KCNB2: variants seen among roughly 807,000 people sequenced by gnomAD.
KCNB2 encodes delayed rectifier potassium channel protein.
KCNB2 carries 15 observed loss-of-function variants against 61.5 expected under a neutral mutation model. The observed-to-expected ratio is 0.24, with a 90% CI of 0.16 to 0.38. The LOEUF is 0.38. Among genes scored for constraint, KCNB2 ranks in the 10% least tolerant of loss-of-function variants. The probability of loss-of-function intolerance (pLI) is 1.00; values close to 1 mark genes in which losing one functional copy is unlikely to be tolerated. For missense variants in KCNB2, 828 were observed against 1,125.2 expected (o/e 0.74, Z 3.78); for synonymous variants, 457 against 446.0 (o/e 1.02, Z -0.31).
intron 2 of KCNB2, among the ~76,000 whole-genome samples, chr8:72,612,913 G>A (rs747674859): frequency 3.3e-5 from 5 of 152,010 alleles, no homozygotes; most frequent in Non-Finnish European, 7.4e-5. Context: ...AACATTTTTG[G>A]AAAATTAAAT....
At chr8:72,581,766 T>C (rs1806901745) in intron 2 of KCNB2, among the ~76,000 whole-genome samples, 1 of 152,212 alleles carries the variant, frequency 6.6e-6, no homozygotes. Flanking sequence ...TGTAGGCTGC[T>C]CTGTATGCTA....
At chr8:72,726,093 G>A (rs1807645284) in intron 2 of KCNB2, among the ~76,000 whole-genome samples, 1 of 152,168 alleles carries the variant, frequency 6.6e-6, no homozygotes, top group Admixed American at 6.6e-5. Flanking sequence ...CCAATGTGTT[G>A]GTAGTTGGAG....
chr8:72,717,913 ATCT>A (rs1807473898), intron 2 of KCNB2, among the ~76,000 whole-genome samples: 1 of 152,220 alleles, frequency 6.6e-6, no homozygotes, highest in Non-Finnish European at 1.5e-5. Flanking sequence ...CAACCTCCTC[ATCT>A]GACAAAGGGC....
chr8:72,903,686 T>C (rs981709404), intron 2 of KCNB2, among the ~76,000 whole-genome samples: 3 of 152,200 alleles, frequency 2.0e-5, no homozygotes, highest in African/African-American at 7.2e-5. Context: ...AATATTCCAA[T>C]AACTCTAAAT....
intron 2 of KCNB2, among the ~76,000 whole-genome samples, chr8:72,685,227 T>C (rs545033186): frequency 6.6e-6 from 1 of 152,282 alleles, no homozygotes; most frequent in African/African-American, 2.4e-5. Context: ...AGGAATGACT[T>C]GGCATTGGGG....
At chr8:72,824,531 G>T (rs1107217) in intron 2 of KCNB2, among the ~76,000 whole-genome samples, 67,511 of 151,790 alleles carry the variant, frequency 0.44, 15,673 homozygotes, top group Middle Eastern at 0.63. Context: ...CTCTTGGGTG[G>T]TATCTAAGGA....
intron 1 of KCNB2, among the ~76,000 whole-genome samples, chr8:72,541,689 A>ATT (rs958577746): frequency 1.3e-5 from 2 of 152,160 alleles, no homozygotes; most frequent in African/African-American, 4.8e-5. Flanking sequence ...TTGAAATAAG[A>ATT]AGGTAGTTTA....
intron 2 of KCNB2, among the ~76,000 whole-genome samples, chr8:72,776,799 G>C (rs1057449565): frequency 1.3e-5 from 2 of 152,100 alleles, no homozygotes; most frequent in Admixed American, 6.5e-5. Flanking sequence ...GACCATCTCC[G>C]GAGCAAAGGT....
chr8:72,620,272 C>G (rs1805695258), intron 2 of KCNB2, among the ~76,000 whole-genome samples: 2 of 152,208 alleles, frequency 1.3e-5, no homozygotes, highest in African/African-American at 4.8e-5. Flanking sequence ...TTTAGATGTT[C>G]TGCCAGAGAG....
At chr8:72,647,480 C>T (rs1281826537) in intron 2 of KCNB2, among the ~76,000 whole-genome samples, 2 of 152,056 alleles carry the variant, frequency 1.3e-5, no homozygotes, top group Non-Finnish European at 1.5e-5. Context: ...ATTCTTTGGA[C>T]ACCTACTCAG....
chr8:72,919,107 T>C (rs1225360729), intron 2 of KCNB2, among the ~76,000 whole-genome samples: 2 of 152,244 alleles, frequency 1.3e-5, no homozygotes, highest in African/African-American at 4.8e-5. Context: ...AAAGGAGATA[T>C]ACATCTGTTT....
intron 2 of KCNB2, among the ~76,000 whole-genome samples, chr8:72,812,946 A>G (rs752896963): frequency 2.6e-5 from 4 of 152,160 alleles, no homozygotes; most frequent in Non-Finnish European, 5.9e-5. Context: ...TTAGAGAAGA[A>G]TAAATTGTGG....
chr8:72,797,520 A>G lies in KCNB2; in HGVS notation c.580-138415A>G, dbSNP rs370965240. 1.2e-4 allele frequency among the ~76,000 whole-genome samples: 19 copies of G among 152,322 alleles called. No individual in the cohort carries two copies. The East Asian group carries it at 3.5e-3, about 28-fold the overall frequency. ...GCTTTTACCTCCTGTCAGTTTGATC[A>G]GTTTATTTTTCCACTTATATTTTTA... is the stretch of plus-strand genomic sequence containing the variant. On this transcript the variant is annotated intron_variant, in intron 2 of 2. Transcript: ENST00000523207.
intron 1 of KCNB2, among the ~76,000 whole-genome samples, chr8:72,559,563 A>G (rs1352648789): frequency 2.0e-5 from 3 of 152,182 alleles, no homozygotes; most frequent in Non-Finnish European, 2.9e-5. Flanking sequence ...GATCCAGGGC[A>G]GAAGGAGGTT....
intron 2 of KCNB2, among the ~76,000 whole-genome samples, chr8:72,793,964 G>C (rs1406963673): frequency 2.0e-5 from 3 of 152,156 alleles, no homozygotes; most frequent in African/African-American, 7.2e-5. Flanking sequence ...GCCTTTGAAG[G>C]CCAGGGTAAG....
intron 2 of KCNB2, among the ~76,000 whole-genome samples, chr8:72,592,304 T>G (rs1181976139): frequency 6.6e-6 from 1 of 152,216 alleles, no homozygotes; most frequent in Non-Finnish European, 1.5e-5. Context: ...GCATTAATAC[T>G]AAATTTAAGA....
chr8:72,811,114 A>G (rs1188796945), intron 2 of KCNB2, among the ~76,000 whole-genome samples: 1 of 151,884 alleles, frequency 6.6e-6, no homozygotes, highest in Non-Finnish European at 1.5e-5. Context: ...GTTACCTGGA[A>G]CAAGTCACAC....
intron 2 of KCNB2, among the ~76,000 whole-genome samples, chr8:72,747,393 G>A (rs1324853160): frequency 6.6e-6 from 1 of 152,132 alleles, no homozygotes; most frequent in Non-Finnish European, 1.5e-5. Context: ...GGAGGTGGTT[G>A]GGGGTATGGG....
rs185096014 is a variant in KCNB2, at chr8:72,938,241, T to C, written c.*150T>C. 6 of 633,822 alleles carry C rather than the reference T, an allele frequency of 9.5e-6. No homozygotes were observed. The Admixed American group carries it at 1.8e-4, about 19-fold the overall frequency. 39.3% of individuals were successfully genotyped at this position (633,822 alleles called of 1,614,324 possible). On this transcript the variant is annotated 3_prime_UTR_variant, in exon 3 of 3. Coordinates refer to ENST00000523207, the MANE Select transcript of KCNB2 (RefSeq NM_004770.3). ...TGTTATTTTTGCATGGCATGAACAGTTTAGCTTAAGTACTGTTTAAATAAT... is the reference window on the plus strand; with the variant it reads ...TGTTATTTTTGCATGGCATGAACAGCTTAGCTTAAGTACTGTTTAAATAAT...
Sources: gnomAD v4.1 joint callset for allele counts (sites outside exome capture counted in the v4.1 genomes callset) on GRCh38, gnomAD v4.1.1 for gene constraint, MANE v1.5 for transcripts, NCBI Gene and HGNC (gene_info 2026-07-23, HGNC 2026-07-21) for gene names.